The following CTPS1 variants were observed in gnomAD, a reference collection of about 807,000 sequenced individuals.
CTPS1 encodes the protein CTP synthetase 1.
CTPS1 carries 25 observed loss-of-function variants against 80.5 expected under a neutral mutation model. The observed-to-expected ratio is 0.31, with a 90% CI of 0.23 to 0.43. CTPS1 has a LOEUF of 0.43. CTPS1 is among the 20% of genes least tolerant of loss of function. The pLI, the probability that CTPS1 is intolerant of heterozygous loss-of-function variation, is 1.00. For missense variants in CTPS1, 442 were observed against 725.7 expected, an observed-to-expected ratio of 0.61 and a Z score of 4.49; for synonymous variants, 267 against 252.5, an observed-to-expected ratio of 1.06 and a Z score of -0.54.
At chr1:40,983,618 TC>T (rs756255872) in intron 2 of CTPS1, among the ~76,000 whole-genome samples, 162 bp downstream of exon 2, 2 of 136,086 alleles carry the variant, frequency 1.5e-5, no homozygotes, top group Non-Finnish European at 3.2e-5. Flanking sequence ...GAAGCAGAAT[TC>T]TTTTTTTTTT....
At chr1:40,982,058 C>A in intron 1 of CTPS1, 1 of 1,215,000 alleles carries the variant, frequency 8.2e-7, no homozygotes, top group Non-Finnish European at 1.1e-6. Flanking sequence ...GTTTGCTGAC[C>A]AAATGGACGA....
chr1:41,004,876 C>T (rs1385222659), intron 12 of CTPS1, among the ~76,000 whole-genome samples: 3 of 152,156 alleles, frequency 2.0e-5, no homozygotes, highest in African/African-American at 7.2e-5. Context: ...GGCCTGTAAT[C>T]CCAGCACTTT....
At chr1:40,999,918 T>C (rs1291710342) in intron 9 of CTPS1, among the ~76,000 whole-genome samples, 1 of 152,164 alleles carries the variant, frequency 6.6e-6, no homozygotes, top group Non-Finnish European at 1.5e-5. Context: ...GAGGCTCTGC[T>C]GTGGGAGGAT....
At chr1:41,011,615 A>G (rs983696520) in intron 18 of CTPS1, 43 bp from the exon 19 acceptor site, 1 of 152,150 alleles carries the variant, frequency 6.6e-6, no homozygotes, top group South Asian at 2.1e-4. Context: ...TTCTACTTTA[A>G]TGTACATCAT....
At position 41,007,927 on chromosome 1, in the gene CTPS1, C is replaced by G. The variant is rs954731976; in HGVS notation, c.1393+382C>G. ...TGATTCAGCCTAAGTAGATTCTGTT[C>G]TAATAAAGTACTAATAGATGCTGAA... On this transcript the variant is annotated intron_variant, in intron 14 of 18. Transcript: ENST00000650070. The surrounding 1 kb of genome is among the most constrained non-coding windows in gnomAD (Gnocchi z 4.4). Among the ~76,000 whole-genome samples, 6 of 152,212 alleles carry G rather than the reference C, an allele frequency of 3.9e-5. No individual in the cohort carries two copies. The highest frequency in any genetic ancestry group is 2.6e-4 in the Admixed American group (4 of 15,288).
At chr1:41,005,407 A>C (rs1232996567) in intron 12 of CTPS1, among the ~76,000 whole-genome samples, 1 of 151,698 alleles carries the variant, frequency 6.6e-6, no homozygotes, top group Non-Finnish European at 1.5e-5. Flanking sequence ...ACGCCATTGC[A>C]CTCCAGCCTG....
chr1:41,002,926 A>G lies in CTPS1; in HGVS notation c.1190-188A>G, dbSNP rs569184473. Among the ~76,000 whole-genome samples, 10 of 152,342 alleles carry G rather than the reference A, an allele frequency of 6.6e-5. No individual in the cohort carries two copies. The East Asian group carries it at 1.2e-3, about 18-fold the overall frequency. ...AATCTAGAATTTTCATCTACTTTACATGCAGTTTTTGAAATCTAATACAAG... is the reference window on the plus strand; with the variant it reads ...AATCTAGAATTTTCATCTACTTTACGTGCAGTTTTTGAAATCTAATACAAG... On this transcript the variant is annotated intron_variant, in intron 11 of 18. Transcript: ENST00000650070.
intron 7 of CTPS1, among the ~76,000 whole-genome samples, chr1:40,994,097 TCTTTTAGAGCACAGACA>T (rs1642689302): frequency 6.6e-6 from 1 of 152,174 alleles, no homozygotes; most frequent in Non-Finnish European, 1.5e-5. Context: ...CTTAATAGTG[TCTTTTAGAGCACAGACA>T]CTTTTAAATT....
intron 3 of CTPS1, among the ~76,000 whole-genome samples, chr1:40,985,338 A>C (rs1642424731): frequency 6.6e-6 from 1 of 152,262 alleles, no homozygotes; most frequent in Admixed American, 6.5e-5. Flanking sequence ...GCCAGATGGC[A>C]TGTATGTGTG....
intron 1 of CTPS1, chr1:40,981,274 G>C (rs865940480): frequency 6.6e-6 from 1 of 152,308 alleles, no homozygotes. Context: ...CCTCCCGCCT[G>C]ATCTTTATGT....
chr1:40,992,955 A>G (rs1642653472), intron 7 of CTPS1, among the ~76,000 whole-genome samples: 1 of 152,016 alleles, frequency 6.6e-6, no homozygotes, highest in African/African-American at 2.4e-5. Flanking sequence ...CAGCCTCCCA[A>G]AGTGCTGGGA....
At chr1:40,995,798 A>G in intron 7 of CTPS1, 119 bp from the exon 8 acceptor site, 2 of 963,948 alleles carry the variant, frequency 2.1e-6, no homozygotes, top group Non-Finnish European at 3.1e-6. Context: ...TTATCTAGAA[A>G]ATTGTCCTTT....
At chr1:41,006,885 C>T (rs1643047850) in intron 13 of CTPS1, among the ~76,000 whole-genome samples, 1 of 152,118 alleles carries the variant, frequency 6.6e-6, no homozygotes, top group South Asian at 2.1e-4. Context: ...ACTAAGGCCT[C>T]AGGAGTGGAC....
rs965798416 is a variant in CTPS1 at position 41,003,096 on chromosome 1, T to C, written c.1190-18T>C. ...CTTTTCAATGGAGTTTTGTTTGTTTTTTCCCCCCGACTGGAAGGCGTGTGC... is the reference window on the plus strand; with the variant it reads ...CTTTTCAATGGAGTTTTGTTTGTTTCTTCCCCCCGACTGGAAGGCGTGTGC... On this transcript the variant is annotated intron_variant, in intron 11 of 18. Coordinates refer to ENST00000650070, the MANE Select transcript of CTPS1 (RefSeq NM_001905.4). 1.2e-6 allele frequency: 2 copies of C among 1,614,018 alleles called. No homozygotes were observed. Among genetic ancestry groups the C allele is most frequent in the African/African-American group, 2.7e-5 (2 of 74,916 alleles).
chr1:40,999,647 T>A (rs993451705), intron 9 of CTPS1, among the ~76,000 whole-genome samples: 1 of 152,192 alleles, frequency 6.6e-6, no homozygotes, highest in African/African-American at 2.4e-5. Context: ...TAGTTTCTTA[T>A]CAAGGTAGAG....
In CTPS1 at chr1:40,995,836, TA is replaced by T. The variant is rs201055271; in HGVS notation, c.721-80del. On this transcript the variant is annotated intron_variant, in intron 7 of 18. Transcript: ENST00000650070. ...TCTGTTTTCAAATACATAATATTTT[TA>T]CAAGGTCACGTAGCTAGTAGGAGGC... 847 of 1,382,612 alleles carry T rather than the reference TA, an allele frequency of 6.1e-4. 10 individuals carry two copies. The African/African-American group carries it at 0.01, about 17-fold the overall frequency. 85.6% of individuals were successfully genotyped at this position (1,382,612 alleles called of 1,614,324 possible).
intron 8 of CTPS1, chr1:40,997,022 T>C (rs1456319549): frequency 6.3e-6 from 1 of 158,716 alleles, no homozygotes; most frequent in African/African-American, 2.4e-5. Flanking sequence ...AAATTTTTCT[T>C]TACAAAGCCT....
intron 1 of CTPS1, chr1:40,980,380 C>G (rs1319619150): frequency 6.6e-6 from 1 of 152,238 alleles, no homozygotes; most frequent in African/African-American, 2.4e-5. Context: ...CCCTGGGCCC[C>G]GCGGCTGGCC....
chr1:40,998,410 A>AG (rs1257876556), intron 9 of CTPS1, among the ~76,000 whole-genome samples: 15 of 149,218 alleles, frequency 1.0e-4, no homozygotes, highest in Non-Finnish European at 1.9e-4. Context: ...AAAAAAAAAA[A>AG]AAAAAAAAAA....
Sources: gnomAD v4.1 joint callset for allele counts (sites outside exome capture counted in the v4.1 genomes callset) on GRCh38, gnomAD v4.1.1 for gene constraint, Gnocchi (gnomAD v3.1) non-coding constraint, MANE v1.5 for transcripts, NCBI Gene and HGNC (gene_info 2026-07-23, HGNC 2026-07-21) for gene names.